The following ARHGAP15 variants were observed in gnomAD, a reference collection of about 807,000 sequenced individuals.
ARHGAP15 encodes Rho GTPase activating protein 15.
A neutral mutation model predicts 63.7 loss-of-function variants in ARHGAP15; 51 were observed. The ratio of observed to expected loss-of-function variants is 0.80; its 90% CI spans 0.64 to 1.01. ARHGAP15 has a LOEUF of 1.01. Among genes scored for constraint, ARHGAP15 ranks in the 50% least tolerant of loss-of-function variants. The pLI is 0.00. For synonymous variants in ARHGAP15, 191 were observed against 193.8 expected, an observed-to-expected ratio of 0.99 and a Z score of 0.12; for missense variants, 560 against 564.6, an observed-to-expected ratio of 0.99 and a Z score of 0.08.
chr2:143,387,117 G>A (rs546304698), intron 6 of ARHGAP15, among the ~76,000 whole-genome samples: 16 of 152,116 alleles, frequency 1.1e-4, no homozygotes, highest in African/African-American at 3.9e-4. Context: ...GTTTACTTGT[G>A]TAACAAACTT....
At chr2:143,674,398 G>A (rs191374384) in intron 12 of ARHGAP15, among the ~76,000 whole-genome samples, 14 of 152,190 alleles carry the variant, frequency 9.2e-5, no homozygotes, top group African/African-American at 2.4e-4. Context: ...ACATTATTCC[G>A]TTTATAAAAC....
intron 11 of ARHGAP15, among the ~76,000 whole-genome samples, chr2:143,584,908 T>G (rs116397749): frequency 0.013 from 2,012 of 152,282 alleles, 40 homozygotes; most frequent in African/African-American, 0.045. Context: ...AATTATAAAT[T>G]GGCTCAAATG....
rs116430549 is a variant in ARHGAP15, at chr2:143,251,648, T to C, written c.474+1048T>C. Among the ~76,000 whole-genome samples, 535 of 152,144 alleles carry C rather than the reference T, an allele frequency of 3.5e-3. 3 individuals are homozygous for C. The highest frequency in any genetic ancestry group is 0.012 in the African/African-American group (494 of 41,544). On this transcript the variant is annotated intron_variant, in intron 6 of 13. Transcript: ENST00000295095. ...TGGTTCTAGTTTTATTTTGCTTAGG[T>C]ATAGAGATTTTTTATCAAACAAGAA...
At chr2:143,650,761 G>T (rs1047623088) in intron 12 of ARHGAP15, among the ~76,000 whole-genome samples, 9 of 151,856 alleles carry the variant, frequency 5.9e-5, no homozygotes, top group Non-Finnish European at 1.3e-4. Flanking sequence ...TTAATTTGTT[G>T]TATCTATATG....
Position 143,313,956 on chromosome 2 carries a change from C to CTT in ARHGAP15, c.474+63366_474+63367dup, listed in dbSNP as rs35253811. ...AGACTTAAGGTGGATGAGGAGAGGG[C>CTT]TTTTTTTTTTTCTTGTTTTGTTTTT... On this transcript the variant is annotated intron_variant, in intron 6 of 13. Coordinates refer to ENST00000295095, the MANE Select transcript of ARHGAP15 (RefSeq NM_018460.4). Among the ~76,000 whole-genome samples, 630 of 146,732 alleles carry CTT rather than the reference C, an allele frequency of 4.3e-3. 2 individuals carry two copies. The highest frequency in any genetic ancestry group is 9.2e-3 in the African/African-American group (372 of 40,328).
chr2:143,437,461 C>G (rs1327413543), intron 8 of ARHGAP15: 1 of 155,770 alleles, frequency 6.4e-6, no homozygotes, highest in Non-Finnish European at 1.4e-5. Flanking sequence ...TCCACACCTT[C>G]AGACCACCAG....
intron 6 of ARHGAP15, among the ~76,000 whole-genome samples, chr2:143,412,200 G>C (rs1052841893): frequency 1.3e-5 from 2 of 152,116 alleles, no homozygotes; most frequent in Non-Finnish European, 2.9e-5. Context: ...GGAACAGTTC[G>C]GAAGCTCTAT....
In ARHGAP15 at chr2:143,625,363, T is replaced by C. The variant is rs139534668; in HGVS notation, c.1138+1096T>C. On this transcript the variant is annotated intron_variant, in intron 12 of 13. Transcript: ENST00000295095. ...CTGTCATTCACAAAGCCTTCACCCT[T>C]GTTTAAAGCTCTGGCAAAACGGTAT... is the stretch of plus-strand genomic sequence containing the variant. Among the ~76,000 whole-genome samples, 1,093 of 152,274 alleles carry C rather than the reference T, an allele frequency of 7.2e-3. 19 individuals are homozygous for C. The highest frequency in any genetic ancestry group is 0.024 in the African/African-American group (1,009 of 41,556).
chr2:143,388,036 ATGT>A (rs1402615806), intron 6 of ARHGAP15, among the ~76,000 whole-genome samples: 1 of 152,192 alleles, frequency 6.6e-6, no homozygotes, highest in East Asian at 1.9e-4. Flanking sequence ...TCTTTCTAAA[ATGT>A]TATTAACTCA....
intron 2 of ARHGAP15, among the ~76,000 whole-genome samples, chr2:143,156,158 T>A (rs1473472949): frequency 2.6e-5 from 4 of 151,908 alleles, no homozygotes; most frequent in African/African-American, 9.7e-5. Context: ...GCTGTGGCTA[T>A]TTAAGGTTTG....
chr2:143,438,697 A>C (rs574230059), intron 8 of ARHGAP15, among the ~76,000 whole-genome samples: 1 of 152,336 alleles, frequency 6.6e-6, no homozygotes, highest in South Asian at 2.1e-4. Context: ...TCATTTAAAG[A>C]ATGTTTTCCT....
At chr2:143,739,963 A>G (rs557540496) in intron 13 of ARHGAP15, among the ~76,000 whole-genome samples, 1 of 152,254 alleles carries the variant, frequency 6.6e-6, no homozygotes, top group South Asian at 2.1e-4. Context: ...TTCTGCCCCA[A>G]CACTCTACTT....
At chr2:143,671,598 A>C (rs1278467006) in intron 12 of ARHGAP15, among the ~76,000 whole-genome samples, 2 of 152,180 alleles carry the variant, frequency 1.3e-5, no homozygotes, top group Non-Finnish European at 2.9e-5. Flanking sequence ...TAGTGGCAAA[A>C]AAAGTCATTG....
intron 6 of ARHGAP15, among the ~76,000 whole-genome samples, chr2:143,252,587 T>C (rs1419499604): frequency 2.0e-5 from 3 of 152,032 alleles, no homozygotes; most frequent in Non-Finnish European, 4.4e-5. Context: ...CATAAGGATA[T>C]TGTGAATAAC....
chr2:143,661,844 A>ATATT (rs1470716334), intron 12 of ARHGAP15, among the ~76,000 whole-genome samples: 1 of 152,210 alleles, frequency 6.6e-6, no homozygotes, highest in Admixed American at 6.5e-5. Flanking sequence ...TCCCACCCGA[A>ATATT]TATTACGCTT....
chr2:143,545,289 A>G (rs1304705807), intron 10 of ARHGAP15, among the ~76,000 whole-genome samples: 2 of 152,164 alleles, frequency 1.3e-5, no homozygotes, highest in African/African-American at 4.8e-5. Flanking sequence ...ACCTCCCCAA[A>G]GATCAAAAGT....
intron 6 of ARHGAP15, among the ~76,000 whole-genome samples, chr2:143,373,502 T>C (rs1574351234): frequency 6.6e-6 from 1 of 150,916 alleles, no homozygotes; most frequent in Non-Finnish European, 1.5e-5. Flanking sequence ...TGGTGGAGGG[T>C]GCCTGTAGTC....
chr2:143,313,272 C>T (rs561387956), intron 6 of ARHGAP15, among the ~76,000 whole-genome samples: 2 of 152,076 alleles, frequency 1.3e-5, no homozygotes, highest in South Asian at 4.2e-4. Flanking sequence ...CATGAAGTCC[C>T]ATGAAGACTG....
intron 11 of ARHGAP15, among the ~76,000 whole-genome samples, chr2:143,599,835 C>T (rs1178518875): frequency 6.6e-6 from 1 of 152,098 alleles, no homozygotes; most frequent in Non-Finnish European, 1.5e-5. Context: ...TGTGTATCTG[C>T]CTCCATGAGT....
Sources: allele counts gnomAD v4.1 joint callset (sites outside exome capture counted in the v4.1 genomes callset), GRCh38; gene constraint gnomAD v4.1.1; transcripts MANE v1.5; gene names NCBI Gene and HGNC (gene_info 2026-07-23, HGNC 2026-07-21).